MYT1: variants seen among roughly 807,000 people sequenced by gnomAD.
MYT1 encodes the protein myelin transcription factor 1, also known as myelin transcription factor I.
A neutral mutation model predicts 123.0 loss-of-function variants in MYT1; 23 were observed. The ratio of observed to expected loss-of-function variants is 0.19; its 90% CI spans 0.13 to 0.26. MYT1 has a LOEUF of 0.26. MYT1 is among the 10% of genes least tolerant of loss of function. MYT1 has a pLI of 1.00. For synonymous variants in MYT1, 518 were observed against 575.3 expected (o/e 0.90, Z 1.43); for missense variants, 1,125 against 1,472.5 (o/e 0.76, Z 3.86).
chr20:64,165,402 T>C (rs1982051917), intron 1 of MYT1, among the ~76,000 whole-genome samples: 1 of 152,202 alleles, frequency 6.6e-6, no homozygotes, highest in South Asian at 2.1e-4. Flanking sequence ...ATGGTGGTAG[T>C]GTAACTGGAT....
chr20:64,194,766 A>G (rs1983058459), intron 2 of MYT1, among the ~76,000 whole-genome samples: 1 of 152,192 alleles, frequency 6.6e-6, no homozygotes. Flanking sequence ...GCAAAGGTGG[A>G]AGTTGGCACA....
intron 1 of MYT1, among the ~76,000 whole-genome samples, chr20:64,172,712 C>T (rs1018211378): frequency 6.6e-6 from 1 of 151,276 alleles, no homozygotes; most frequent in Non-Finnish European, 1.5e-5. Flanking sequence ...CGCCCCCAAA[C>T]CCAGTGCTGC....
intron 1 of MYT1, among the ~76,000 whole-genome samples, chr20:64,165,997 CCTCA>C (rs1199969302): frequency 6.6e-6 from 1 of 152,156 alleles, no homozygotes; most frequent in Non-Finnish European, 1.5e-5. Context: ...CCTGTCCTGG[CCTCA>C]CTCTGGCCTG....
intron 13 of MYT1, among the ~76,000 whole-genome samples, chr20:64,220,666 C>T (rs974476281): frequency 3.3e-5 from 5 of 152,248 alleles, no homozygotes; most frequent in African/African-American, 9.7e-5. Context: ...GCAGCAGCCG[C>T]GTGTGTGAGA....
chr20:64,213,815 G>A lies in MYT1; in HGVS notation c.1631+168G>A, dbSNP rs1224537319. Among the ~76,000 whole-genome samples the A allele has an allele frequency of 6.6e-6, 1 of 152,178 alleles. No individual in the cohort carries two copies. The highest frequency in any genetic ancestry group is 1.5e-5 in the Non-Finnish European group (1 of 68,026). ...TGTGCACATGCCCCGGGCCCCCCAGGAGCAGAACTGCGGGGCAGTTTTGGA... is the reference window on the plus strand; with the variant it reads ...TGTGCACATGCCCCGGGCCCCCCAGAAGCAGAACTGCGGGGCAGTTTTGGA... On this transcript the variant is annotated intron_variant, in intron 10 of 22. Coordinates refer to ENST00000328439, the MANE Select transcript of MYT1 (RefSeq NM_004535.3). This position sits in a 1 kb window ranked among gnomAD's most constrained non-coding sequence, Gnocchi z 5.6.
chr20:64,219,559 G>A (rs555515036), intron 12 of MYT1, among the ~76,000 whole-genome samples, 154 bp from the exon 13 acceptor site: 1 of 152,290 alleles, frequency 6.6e-6, no homozygotes, highest in East Asian at 1.9e-4. Context: ...ATGGCAGCTG[G>A]ATTTTTTCCC....
At chr20:64,239,425 A>C (rs939591115) in intron 21 of MYT1, among the ~76,000 whole-genome samples, 1 of 152,134 alleles carries the variant, frequency 6.6e-6, no homozygotes, top group African/African-American at 2.4e-5. Context: ...CCATCCCCTC[A>C]GGACAGAGGG....
Position 64,232,479 on chromosome 20 carries a change from G to A in MYT1, c.2897+94G>A. On this transcript the variant is annotated intron_variant, in intron 19 of 22. Transcript: ENST00000328439. The surrounding 1 kb of genome is among the most constrained non-coding windows in gnomAD (Gnocchi z 6.9). The stretch of plus-strand genomic sequence containing the variant: ...AAGCTCCTGAGGGAGGGCCAGACCA[G>A]GGCTCCGTGTGACCAGAGTTGCTCA... 1 of 1,287,086 alleles carries A rather than the reference G, an allele frequency of 7.8e-7. No individual in the cohort carries two copies. The highest frequency in any genetic ancestry group is 1.1e-6 in the Non-Finnish European group (1 of 907,674). 79.7% of individuals were successfully genotyped at this position (1,287,086 alleles called of 1,614,324 possible).
In MYT1 at chr20:64,240,904, C is replaced by T. The variant is rs1334457692; in HGVS notation, c.*456C>T. The T allele has an allele frequency of 3.1e-5, 5 of 161,988 alleles. No individual in the cohort carries two copies. The highest frequency in any genetic ancestry group is 1.8e-4 in the East Asian group (1 of 5,430). 10.0% of individuals were successfully genotyped at this position (161,988 alleles called of 1,614,324 possible). On this transcript the variant is annotated 3_prime_UTR_variant, in exon 23 of 23. Transcript: ENST00000328439. ...CAGCGTGTCTGTGCTCAGTGAGGGC[C>T]GATGAAGAAAGTGCGTTTTCTGTTT...
chr20:64,231,731 C>T lies in MYT1; in HGVS notation c.2676-433C>T, dbSNP rs1454722405. Reference sequence around the variant, plus strand: ...TTGTCATTCTTTTGTGATCCATAGGCCCCCAGGCCTATGCTTGATGCAAGC... The same window carrying T: ...TTGTCATTCTTTTGTGATCCATAGGTCCCCAGGCCTATGCTTGATGCAAGC... On this transcript the variant is annotated intron_variant, in intron 18 of 22. Transcript: ENST00000328439. This position sits in a 1 kb window ranked among gnomAD's most constrained non-coding sequence, Gnocchi z 6.4. Among the ~76,000 whole-genome samples the T allele has an allele frequency of 6.6e-6, 1 of 152,122 alleles. No homozygotes were observed. The highest frequency in any genetic ancestry group is 6.5e-5 in the Admixed American group (1 of 15,276).
chr20:64,234,174 T>C (rs1166865764), intron 19 of MYT1, among the ~76,000 whole-genome samples: 2 of 152,214 alleles, frequency 1.3e-5, no homozygotes, highest in Non-Finnish European at 2.9e-5. Context: ...ATAAATGAAA[T>C]CATGCTTGAG....
intron 1 of MYT1, among the ~76,000 whole-genome samples, chr20:64,173,444 T>A (rs1321302777): frequency 6.6e-6 from 1 of 150,428 alleles, no homozygotes; most frequent in African/African-American, 2.5e-5. Context: ...TGCCTGTAGT[T>A]GTGTCCATTT....
At position 64,203,327 on chromosome 20, in the gene MYT1, A is replaced by G. The variant is rs149647197; in HGVS notation, c.87-1708A>G. Among the ~76,000 whole-genome samples the G allele has an allele frequency of 1.1e-3, 160 of 152,332 alleles. No homozygotes were observed. Among genetic ancestry groups the G allele is most frequent in the East Asian group, 7.5e-3 (39 of 5,190 alleles). On this transcript the variant is annotated intron_variant, in intron 4 of 22. Transcript: ENST00000328439. The surrounding 1 kb of genome is among the most constrained non-coding windows in gnomAD (Gnocchi z 5.1). Reference sequence around the variant, plus strand: ...GGGACCTTAGCTTCAAATCCCCATTAACAAGGAGCTTTTTTGTGAAAAGTC... The same window carrying G: ...GGGACCTTAGCTTCAAATCCCCATTGACAAGGAGCTTTTTTGTGAAAAGTC...
intron 16 of MYT1, among the ~76,000 whole-genome samples, chr20:64,225,179 C>T (rs955069178): frequency 6.6e-6 from 1 of 152,176 alleles, no homozygotes; most frequent in Admixed American, 6.5e-5. Context: ...GAGCTTGGGA[C>T]GATGGTGGTC....
chr20:64,183,870 G>C (rs1385143721), intron 1 of MYT1, among the ~76,000 whole-genome samples: 2 of 152,174 alleles, frequency 1.3e-5, no homozygotes, highest in East Asian at 1.9e-4. Flanking sequence ...ACGCAGGCTA[G>C]AGTGCAGTCG....
At position 64,213,450 on chromosome 20, in the gene MYT1, G is replaced by A. The variant is rs558741812; in HGVS notation, c.1518-84G>A. The A allele has an allele frequency of 5.9e-4, 623 of 1,049,502 alleles. No individual in the cohort carries two copies. The highest frequency in any genetic ancestry group is 8.1e-4 in the Non-Finnish European group (556 of 689,062). 65.0% of individuals were successfully genotyped at this position (1,049,502 alleles called of 1,614,324 possible). ...GTTCTCACATCTGAATGACCTTGCC[G>A]TGAGACACCCACACACACAGACACC... On this transcript the variant is annotated intron_variant, in intron 9 of 22. Coordinates refer to ENST00000328439, the MANE Select transcript of MYT1 (RefSeq NM_004535.3). This position sits in a 1 kb window ranked among gnomAD's most constrained non-coding sequence, Gnocchi z 5.6.
In MYT1 at chr20:64,185,320, G is replaced by A. The variant is rs1414003486; in HGVS notation, c.-98-4743G>A. ...AGACCCCATCTCCTGTGCTGGAGAC[G>A]GAGGAGGGCTGAGGGGGTGCATGGG... On this transcript the variant is annotated intron_variant, in intron 1 of 22. Coordinates refer to ENST00000328439, the MANE Select transcript of MYT1 (RefSeq NM_004535.3). This position sits in a 1 kb window ranked among gnomAD's most constrained non-coding sequence, Gnocchi z 4.5. Among the ~76,000 whole-genome samples, 1 of 152,160 alleles carries A rather than the reference G, an allele frequency of 6.6e-6. No homozygotes were observed. The highest frequency in any genetic ancestry group is 1.5e-5 in the Non-Finnish European group (1 of 68,034).
At chr20:64,188,090 G>A (rs143687414) in intron 1 of MYT1, among the ~76,000 whole-genome samples, 111 of 152,318 alleles carry the variant, frequency 7.3e-4, no homozygotes, top group African/African-American at 2.6e-3. Flanking sequence ...TGTGGGCAAC[G>A]AAGAATTCCA....
intron 19 of MYT1, among the ~76,000 whole-genome samples, chr20:64,234,722 A>AGGGACCCTGGGCTGGCCGTGGTAT: frequency 2.1e-5 from 1 of 47,424 alleles, no homozygotes. Context: ...GAGCTGGCTG[A>AGGGACCCTGGGCTGGCCGTGGTAT]GTGACCCTGG....
Sources: allele counts gnomAD v4.1 joint callset (sites outside exome capture counted in the v4.1 genomes callset), GRCh38; gene constraint gnomAD v4.1.1; non-coding constraint Gnocchi (gnomAD v3.1); transcripts MANE v1.5; gene names NCBI Gene and HGNC (gene_info 2026-07-23, HGNC 2026-07-21).